The following ZCWPW2 variants were observed in gnomAD, a reference collection of about 807,000 sequenced individuals.
ZCWPW2 encodes the protein zinc finger CW-type and PWWP domain containing 2.
A neutral mutation model predicts 46.6 loss-of-function variants in ZCWPW2; 45 were observed. The ratio of observed to expected loss-of-function variants is 0.96; its 90% CI spans 0.76 to 1.24. The LOEUF (loss-of-function observed/expected upper bound fraction) is 1.24, where lower values mean the gene tolerates loss of function less well. ZCWPW2 is among the 50% of genes most tolerant of loss of function. The probability of loss-of-function intolerance (pLI) is 0.00; values close to 1 mark genes in which losing one functional copy is unlikely to be tolerated. For missense variants in ZCWPW2, 429 were observed against 403.9 expected (o/e 1.06, Z -0.53); for synonymous variants, 152 against 137.1 (o/e 1.11, Z -0.76).
At chr3:28,369,887 C>T (rs1705253296) in intron 1 of ZCWPW2, among the ~76,000 whole-genome samples, 2 of 152,196 alleles carry the variant, frequency 1.3e-5, no homozygotes, top group African/African-American at 4.8e-5. Context: ...TCGCTGCCAC[C>T]TTGCAGTTTG....
intron 6 of ZCWPW2, among the ~76,000 whole-genome samples, chr3:28,495,424 A>G (rs1575207619): frequency 6.6e-6 from 1 of 152,142 alleles, no homozygotes. Context: ...ATCAAAGACT[A>G]TAAAGATAGT....
intron 4 of ZCWPW2, among the ~76,000 whole-genome samples, chr3:28,446,269 A>T (rs1050402639): frequency 2.0e-5 from 3 of 152,144 alleles, no homozygotes; most frequent in Non-Finnish European, 4.4e-5. Flanking sequence ...AGATGACATG[A>T]TGGACTACAA....
At chr3:28,452,732 T>C (rs1698273657) in intron 4 of ZCWPW2, among the ~76,000 whole-genome samples, 1 of 152,240 alleles carries the variant, frequency 6.6e-6, no homozygotes, top group Admixed American at 6.5e-5. Flanking sequence ...TTGTTAGTAT[T>C]CGTTGGAAGT....
At chr3:28,387,340 C>G (rs2125714876) in intron 1 of ZCWPW2, among the ~76,000 whole-genome samples, 1 of 152,144 alleles carries the variant, frequency 6.6e-6, no homozygotes, top group African/African-American at 2.4e-5. Context: ...TCTGAGGGTA[C>G]TATTTTTTTA....
intron 4 of ZCWPW2, among the ~76,000 whole-genome samples, chr3:28,440,952 T>C (rs1195767609): frequency 6.6e-6 from 1 of 152,190 alleles, no homozygotes; most frequent in Non-Finnish European, 1.5e-5. Flanking sequence ...TATCGAAGAC[T>C]CAGTGTTGGT....
intron 1 of ZCWPW2, among the ~76,000 whole-genome samples, chr3:28,380,095 G>C (rs1269987386): frequency 6.6e-6 from 1 of 151,948 alleles, no homozygotes; most frequent in African/African-American, 2.4e-5. Flanking sequence ...CTGTTCTCCT[G>C]CCTCAGCCTC....
rs1700537838 is a variant in ZCWPW2 at position 28,515,539 on chromosome 3, A to G, written c.717-15A>G. ...TTGATCTTTTGAAACTAAATCTGTC[A>G]AATTCTTTTTCTAGGAAAGCAATTT... On this transcript the variant is annotated splice_polypyrimidine_tract_variant and intron_variant, in intron 7 of 9. Transcript: ENST00000383768. 15 of 1,584,506 alleles carry G rather than the reference A, an allele frequency of 9.5e-6. No homozygotes were observed. The highest frequency in any genetic ancestry group is 1.3e-5 in the Non-Finnish European group (15 of 1,156,966).
At position 28,392,358 on chromosome 3, in the gene ZCWPW2, C is replaced by T. The variant is rs143706054; in HGVS notation, c.-14+1741C>T. Among the ~76,000 whole-genome samples, 837 of 152,146 alleles carry T rather than the reference C, an allele frequency of 5.5e-3. 4 individuals carry two copies. Among genetic ancestry groups the T allele is most frequent in the Non-Finnish European group, 8.5e-3 (580 of 67,990 alleles). ...CTGAAGGCAGAAATAGACAGGAATA[C>T]AATAGTAGTAGGGAATTTCAGTACC... On this transcript the variant is annotated intron_variant, in intron 2 of 9. Transcript: ENST00000383768.
chr3:28,438,388 G>A (rs1221519291), intron 4 of ZCWPW2, among the ~76,000 whole-genome samples: 1 of 152,166 alleles, frequency 6.6e-6, no homozygotes, highest in African/African-American at 2.4e-5. Flanking sequence ...TAAACCAACT[G>A]TATATACAGG....
At chr3:28,428,565 A>G (rs918226776) in intron 3 of ZCWPW2, 2 of 152,170 alleles carry the variant, frequency 1.3e-5, no homozygotes, top group Non-Finnish European at 2.9e-5. Context: ...GGCATGAAAT[A>G]TTTTTATTAG....
chr3:28,485,760 A>C (rs146630681), intron 5 of ZCWPW2, among the ~76,000 whole-genome samples: 1 of 152,196 alleles, frequency 6.6e-6, no homozygotes, highest in East Asian at 1.9e-4. Context: ...TAATTCATCC[A>C]TCTGGGCCAT....
At position 28,526,237 on chromosome 3, in the gene ZCWPW2, G is replaced by A. The variant is rs962027068; in HGVS notation, c.*1549G>A. 1.3e-5 allele frequency among the ~76,000 whole-genome samples: 2 copies of A among 152,072 alleles called. No homozygotes were observed. The highest frequency in any genetic ancestry group is 2.9e-5 in the Non-Finnish European group (2 of 68,004). On this transcript the variant is annotated 3_prime_UTR_variant, in exon 10 of 10. Coordinates refer to ENST00000383768, the MANE Select transcript of ZCWPW2 (RefSeq NM_001040432.4). Reference sequence around the variant, plus strand: ...AAATATATTGCAATTAATAATTACTGAGATAAAATGTAACTATACATTTGA... The same window carrying A: ...AAATATATTGCAATTAATAATTACTAAGATAAAATGTAACTATACATTTGA...
intron 4 of ZCWPW2, among the ~76,000 whole-genome samples, chr3:28,449,275 T>G (rs2125778026): frequency 6.6e-6 from 1 of 152,164 alleles, no homozygotes; most frequent in East Asian, 1.9e-4. Context: ...GACCTAAAAT[T>G]CTAAAGTCTT....
chr3:28,384,579 A>C lies in ZCWPW2; in HGVS notation c.-133-5919A>C, dbSNP rs1423284146. On this transcript the variant is annotated intron_variant, in intron 1 of 9. Coordinates refer to ENST00000383768, the MANE Select transcript of ZCWPW2 (RefSeq NM_001040432.4). ...GTACCTTTAGTTACACAGAAGATTT[A>C]ATCTTGACACATTCAAGTTGACCAA... Among the ~76,000 whole-genome samples the C allele has an allele frequency of 5.3e-5, 8 of 150,988 alleles. No homozygotes were observed. In the East Asian group the frequency reaches 1.5e-3, roughly 29 times the overall value.
chr3:28,413,997 G>A (rs938432959), intron 3 of ZCWPW2, among the ~76,000 whole-genome samples: 3 of 151,884 alleles, frequency 2.0e-5, no homozygotes, highest in African/African-American at 7.2e-5. Flanking sequence ...CCCATTCTAG[G>A]TTGGTTTTCC....
At chr3:28,453,997 A>G (rs952722451) in intron 4 of ZCWPW2, among the ~76,000 whole-genome samples, 1 of 151,332 alleles carries the variant, frequency 6.6e-6, no homozygotes, top group African/African-American at 2.4e-5. Context: ...GGCACCCGCC[A>G]CCACGCCCGG....
At chr3:28,420,082 A>G (rs1328374475) in intron 3 of ZCWPW2, among the ~76,000 whole-genome samples, 2 of 152,062 alleles carry the variant, frequency 1.3e-5, no homozygotes, top group Non-Finnish European at 2.9e-5. Flanking sequence ...AATTAAAAAA[A>G]AAAACAGCTC....
At chr3:28,367,863 T>G (rs1446114698) in intron 1 of ZCWPW2, among the ~76,000 whole-genome samples, 1 of 152,068 alleles carries the variant, frequency 6.6e-6, no homozygotes, top group Non-Finnish European at 1.5e-5. Context: ...GGATAGTTAG[T>G]TCTTCTTGTT....
chr3:28,502,717 C>G (rs1700180552), intron 6 of ZCWPW2, among the ~76,000 whole-genome samples: 1 of 152,122 alleles, frequency 6.6e-6, no homozygotes. Flanking sequence ...ATCCACAGGG[C>G]TGCTGGGCTG....
Sources: gnomAD v4.1 joint callset for allele counts (sites outside exome capture counted in the v4.1 genomes callset) on GRCh38, gnomAD v4.1.1 for gene constraint, MANE v1.5 for transcripts, NCBI Gene and HGNC (gene_info 2026-07-23, HGNC 2026-07-21) for gene names.